CERS6: variants seen among roughly 807,000 people sequenced by gnomAD.
CERS6 encodes the protein ceramide synthase 6, also known as LAG1 homolog, ceramide synthase 6.
A neutral mutation model predicts 56.8 loss-of-function variants in CERS6; 26 were observed. That is an observed-to-expected ratio of 0.46 (90% CI 0.34 to 0.63). CERS6 has a LOEUF of 0.63. Ranked by LOEUF, CERS6 falls within the 30% of genes least tolerant of loss-of-function variation. The pLI is 0.01. For missense variants in CERS6, 415 were observed against 467.5 expected (o/e 0.89, Z 1.04); for synonymous variants, 164 against 173.3 (o/e 0.95, Z 0.42).
chr2:168,752,884 A>C (rs1384730506), intron 8 of CERS6, among the ~76,000 whole-genome samples: 2 of 152,212 alleles, frequency 1.3e-5, no homozygotes, highest in Non-Finnish European at 2.9e-5. Context: ...GTGTAAAAAC[A>C]AAACAAAACC....
chr2:168,748,880 C>G (rs1008175038), intron 8 of CERS6, among the ~76,000 whole-genome samples: 11 of 151,776 alleles, frequency 7.2e-5, no homozygotes, highest in Admixed American at 6.6e-4. Context: ...GCAAGGCCTG[C>G]TCTTGGTTCA....
intron 8 of CERS6, among the ~76,000 whole-genome samples, chr2:168,742,874 A>G (rs1683959384): frequency 6.6e-6 from 1 of 152,216 alleles, no homozygotes; most frequent in Non-Finnish European, 1.5e-5. Flanking sequence ...GACTTAAGGC[A>G]GAAGAATTGA....
intron 4 of CERS6, among the ~76,000 whole-genome samples, chr2:168,661,472 C>T (rs1483679627): frequency 6.6e-6 from 1 of 152,186 alleles, no homozygotes; most frequent in Non-Finnish European, 1.5e-5. Context: ...TCACATTTTT[C>T]ATCTCCGACA....
intron 3 of CERS6, among the ~76,000 whole-genome samples, chr2:168,585,416 A>G (rs1683517726): frequency 6.6e-6 from 1 of 152,244 alleles, no homozygotes; most frequent in Non-Finnish European, 1.5e-5. Flanking sequence ...CTCTTCCCTG[A>G]AAAGTATGGT....
intron 3 of CERS6, among the ~76,000 whole-genome samples, chr2:168,622,428 G>T (rs1684494479): frequency 6.6e-6 from 1 of 150,950 alleles, no homozygotes; most frequent in African/African-American, 2.5e-5. Flanking sequence ...TGTCTATCCT[G>T]AATTTAATGT....
chr2:168,579,180 G>A (rs965195107), intron 3 of CERS6, among the ~76,000 whole-genome samples: 5 of 152,122 alleles, frequency 3.3e-5, no homozygotes, highest in African/African-American at 1.2e-4. Context: ...TTTTTAAAGG[G>A]AAAGTTGTAA....
chr2:168,747,017 T>G (rs945751398), intron 8 of CERS6, among the ~76,000 whole-genome samples: 9 of 151,882 alleles, frequency 5.9e-5, no homozygotes, highest in African/African-American at 2.2e-4. Context: ...AAATCATGTT[T>G]TATACATATG....
rs914030812 is a variant in CERS6 at position 168,633,386 on chromosome 2, C to T, written c.465+2344C>T. Among the ~76,000 whole-genome samples, 7 of 152,090 alleles carry T rather than the reference C, an allele frequency of 4.6e-5. No individual in the cohort carries two copies. In the East Asian group the frequency reaches 1.3e-3, roughly 29 times the overall value. On this transcript the variant is annotated intron_variant, in intron 4 of 9. Transcript: ENST00000305747. ...TGGAGGACTTCATAAGCCATCTTGT[C>T]CAACCCTCTCATTTCACAGCTCAGG...
At chr2:168,477,199 G>GAGAGAGAGAGAT (rs1457631545) in intron 1 of CERS6, among the ~76,000 whole-genome samples, 121 of 150,950 alleles carry the variant, frequency 8.0e-4, no homozygotes, top group African/African-American at 2.7e-3. Flanking sequence ...GAGAGAGAGA[G>GAGAGAGAGAGAT]AGAGAGAGAG....
At chr2:168,688,953 A>G (rs1252001867) in intron 4 of CERS6, among the ~76,000 whole-genome samples, 1 of 152,156 alleles carries the variant, frequency 6.6e-6, no homozygotes, top group African/African-American at 2.4e-5. Flanking sequence ...CTCACAAAGG[A>G]AGGGAAGTTC....
At chr2:168,468,672 A>G (rs1201843613) in intron 1 of CERS6, among the ~76,000 whole-genome samples, 1 of 152,200 alleles carries the variant, frequency 6.6e-6, no homozygotes, top group Non-Finnish European at 1.5e-5. Flanking sequence ...CACTGGCCTT[A>G]CCTTTACATC....
At chr2:168,541,640 T>A (rs1695375406) in intron 1 of CERS6, among the ~76,000 whole-genome samples, 1 of 152,214 alleles carries the variant, frequency 6.6e-6, no homozygotes. Context: ...TGGATTTTTT[T>A]ACATTGCTTT....
intron 1 of CERS6, among the ~76,000 whole-genome samples, chr2:168,475,231 A>C (rs1435138484): frequency 6.6e-6 from 1 of 152,176 alleles, no homozygotes; most frequent in African/African-American, 2.4e-5. Context: ...GCTAAAAAAA[A>C]GTGCCACGAA....
chr2:168,508,538 A>C (rs1694720957), intron 1 of CERS6, among the ~76,000 whole-genome samples: 1 of 152,208 alleles, frequency 6.6e-6, no homozygotes, highest in Non-Finnish European at 1.5e-5. Context: ...TGTCTAAAAA[A>C]TGGTGAGTTC....
At chr2:168,687,602 A>G (rs879395162) in intron 4 of CERS6, among the ~76,000 whole-genome samples, 2 of 152,206 alleles carry the variant, frequency 1.3e-5, no homozygotes, top group Non-Finnish European at 2.9e-5. Flanking sequence ...TCAGAATTAA[A>G]TGAGATGACA....
intron 4 of CERS6, among the ~76,000 whole-genome samples, chr2:168,649,714 A>G (rs992933540): frequency 1.3e-5 from 2 of 152,034 alleles, no homozygotes; most frequent in East Asian, 1.9e-4. Context: ...TACCCCTCTG[A>G]TTACACAAGT....
chr2:168,484,011 T>C lies in CERS6; in HGVS notation c.170+27393T>C, dbSNP rs553839774. On this transcript the variant is annotated intron_variant, in intron 1 of 9. Coordinates refer to ENST00000305747, the MANE Select transcript of CERS6 (RefSeq NM_203463.3). ...GAGAACTACTGGTATAGAATATCTCTGTGTATTCAAAATATTGTACCAGTA... is the reference window on the plus strand; with the variant it reads ...GAGAACTACTGGTATAGAATATCTCCGTGTATTCAAAATATTGTACCAGTA... Among the ~76,000 whole-genome samples, 31 of 152,242 alleles carry C rather than the reference T, an allele frequency of 2.0e-4. 1 individual carries two copies. In the South Asian group the frequency reaches 5.8e-3, roughly 29 times the overall value.
At chr2:168,616,795 C>G (rs1046217337) in intron 3 of CERS6, among the ~76,000 whole-genome samples, 1 of 152,098 alleles carries the variant, frequency 6.6e-6, no homozygotes, top group Non-Finnish European at 1.5e-5. Context: ...GTGGGGACTT[C>G]AGTACTTCAC....
At chr2:168,688,501 G>T (rs923623783) in intron 4 of CERS6, among the ~76,000 whole-genome samples, 1 of 151,900 alleles carries the variant, frequency 6.6e-6, no homozygotes, top group African/African-American at 2.4e-5. Flanking sequence ...GAAATCAGGA[G>T]AATCAACTCA....
Sources: gnomAD v4.1 joint callset for allele counts (sites outside exome capture counted in the v4.1 genomes callset) on GRCh38, gnomAD v4.1.1 for gene constraint, MANE v1.5 for transcripts, NCBI Gene and HGNC (gene_info 2026-07-23, HGNC 2026-07-21) for gene names.